The following TAF12 variants were observed in gnomAD, a reference collection of about 807,000 sequenced individuals.
TAF12 encodes TATA-box binding protein associated factor 12.
In TAF12, 3 loss-of-function variants were observed where a neutral mutation model predicts 20.8. The observed-to-expected ratio is 0.14, with a 90% CI of 0.07 to 0.37. TAF12 has a LOEUF of 0.37. TAF12 is among the 10% of genes least tolerant of loss of function. TAF12 has a pLI of 1.00. For synonymous variants in TAF12, 69 were observed against 70.2 expected (o/e 0.98, Z 0.09); for missense variants, 131 against 197.9 (o/e 0.66, Z 2.03).
chr1:28,610,113 G>A (rs1271354455), intron 4 of TAF12, among the ~76,000 whole-genome samples: 1 of 151,618 alleles, frequency 6.6e-6, no homozygotes, highest in Non-Finnish European at 1.5e-5. Context: ...GAGTAGCTAG[G>A]ATTACAGGTA....
At chr1:28,608,390 A>G (rs12077489) in intron 4 of TAF12, among the ~76,000 whole-genome samples, 8,297 of 151,930 alleles carry the variant, frequency 0.055, 268 homozygotes, top group African/African-American at 0.099. Context: ...GGTTGCAGAC[A>G]AAGGTTATTC....
At chr1:28,607,735 G>C (rs1178789279) in intron 4 of TAF12, among the ~76,000 whole-genome samples, 1 of 152,078 alleles carries the variant, frequency 6.6e-6, no homozygotes, top group Admixed American at 6.6e-5. Flanking sequence ...AACTACTTGG[G>C]AGTCTAAGGC....
At chr1:28,619,768 T>G (rs1004644559) in intron 2 of TAF12, among the ~76,000 whole-genome samples, 1 of 149,248 alleles carries the variant, frequency 6.7e-6, no homozygotes, top group African/African-American at 2.5e-5. Context: ...CTGACCAACA[T>G]GGCGAAACCC....
At chr1:28,636,310 C>A (rs138527824) in intron 1 of TAF12, among the ~76,000 whole-genome samples, 1 of 152,126 alleles carries the variant, frequency 6.6e-6, no homozygotes, top group African/African-American at 2.4e-5. Context: ...CCAGCCTGGG[C>A]AACACAAAAA....
At position 28,638,521 on chromosome 1, in the gene TAF12, C is replaced by T. The variant is rs369382464; in HGVS notation, c.-85+4471G>A. Among the ~76,000 whole-genome samples the T allele has an allele frequency of 3.6e-5, 5 of 140,132 alleles. No individual in the cohort carries two copies. In the East Asian group the frequency reaches 1.1e-3, roughly 30 times the overall value. The allele number at this position is 140,132 out of a possible 152,430, so 91.9% of individuals were successfully genotyped here. A position where few individuals can be genotyped will look rare whatever the true frequency, so the allele number is the denominator to read the frequency against. Reference sequence around the variant, plus strand: ...TTTTTTTTTTTTTGAGACAGAGTCTCACTCTGTCACCCAGGCTGGAGTGGC... The same window carrying T: ...TTTTTTTTTTTTTGAGACAGAGTCTTACTCTGTCACCCAGGCTGGAGTGGC... On this transcript the variant is annotated intron_variant, in intron 1 of 5. Coordinates refer to ENST00000373824, the MANE Select transcript of TAF12 (RefSeq NM_005644.4).
chr1:28,607,158 A>C (rs2124294893), intron 4 of TAF12, among the ~76,000 whole-genome samples: 1 of 152,382 alleles, frequency 6.6e-6, no homozygotes, highest in South Asian at 2.1e-4. Flanking sequence ...CACAGGCATA[A>C]GCCACAACAC....
Position 28,643,026 on chromosome 1 carries a change from G to C in TAF12, c.-119C>G, listed in dbSNP as rs549423625. ...CGTCTATCTCCCCATGATATGCAGA[G>C]ACTGCCCCAGTGAAGCGTTCGTCTC... is the stretch of plus-strand genomic sequence containing the variant. On this transcript the variant is annotated 5_prime_UTR_variant, in exon 1 of 6. Coordinates refer to ENST00000373824, the MANE Select transcript of TAF12 (RefSeq NM_005644.4). 3 of 985,904 alleles carry C rather than the reference G, an allele frequency of 3.0e-6. No individual in the cohort carries two copies. Among genetic ancestry groups the C allele is most frequent in the Non-Finnish European group, 2.4e-6 (2 of 829,964 alleles). The allele number at this position is 985,904 out of a possible 1,614,324, so 61.1% of individuals were successfully genotyped here.
At chr1:28,642,861 C>T in intron 1 of TAF12, 131 bp downstream of exon 1, 1 of 986,008 alleles carries the variant, frequency 1.0e-6, no homozygotes, top group Non-Finnish European at 1.2e-6. Flanking sequence ...TCAGTCCCTT[C>T]CCAAGAGCCT....
intron 1 of TAF12, among the ~76,000 whole-genome samples, chr1:28,629,317 G>T (rs1346244878): frequency 6.6e-6 from 1 of 152,006 alleles, no homozygotes; most frequent in East Asian, 1.9e-4. Context: ...TGCAGAAATA[G>T]ATCATACTCA....
intron 4 of TAF12, among the ~76,000 whole-genome samples, chr1:28,607,966 C>G (rs563684646): frequency 6.6e-6 from 1 of 151,752 alleles, no homozygotes. Flanking sequence ...GTGAAACCTC[C>G]TATCTACTAA....
intron 1 of TAF12, among the ~76,000 whole-genome samples, chr1:28,628,190 A>G (rs1001540550): frequency 3.8e-5 from 5 of 131,648 alleles, no homozygotes; most frequent in African/African-American, 1.4e-4. Flanking sequence ...CATCTCTACT[A>G]AAAAAATGCA....
intron 1 of TAF12, among the ~76,000 whole-genome samples, chr1:28,629,697 G>C (rs1437320807): frequency 6.6e-6 from 1 of 152,058 alleles, no homozygotes; most frequent in African/African-American, 2.4e-5. Context: ...CTGGAGTGCA[G>C]TGGTGAAATC....
chr1:28,618,153 A>G lies in TAF12; in HGVS notation c.169-123T>C, dbSNP rs958891721. 2.8e-5 allele frequency: 23 copies of G among 814,810 alleles called. No homozygotes were observed. In the Middle Eastern group the frequency reaches 9.7e-4, roughly 34 times the overall value. 50.5% of individuals were successfully genotyped at this position (814,810 alleles called of 1,614,324 possible). Reference sequence around the variant, plus strand: ...AGTTTCCACTTTCCAATGAGTTCACAGTCTGGCCTACCTGACTATGCTGCT... The same window carrying G: ...AGTTTCCACTTTCCAATGAGTTCACGGTCTGGCCTACCTGACTATGCTGCT... On this transcript the variant is annotated intron_variant, in intron 2 of 5. Transcript: ENST00000373824.
chr1:28,642,239 T>C (rs1668059327), intron 1 of TAF12, among the ~76,000 whole-genome samples: 1 of 152,168 alleles, frequency 6.6e-6, no homozygotes, highest in Non-Finnish European at 1.5e-5. Context: ...AAGAGCCAAG[T>C]AGGCAGTGCG....
intron 3 of TAF12, among the ~76,000 whole-genome samples, chr1:28,616,172 A>G (rs139832522): frequency 0.012 from 1,793 of 151,798 alleles, 33 homozygotes; most frequent in African/African-American, 0.041. Context: ...TGAGGTGGAC[A>G]GATCACTTGA....
At chr1:28,640,643 AG>A (rs1668000098) in intron 1 of TAF12, among the ~76,000 whole-genome samples, 1 of 152,352 alleles carries the variant, frequency 6.6e-6, no homozygotes, top group East Asian at 1.9e-4. Flanking sequence ...TTAATATTGA[AG>A]GAAGTGACTG....
At chr1:28,643,456 G>A (rs561042589), upstream of TAF12, 2 of 152,298 alleles carry the variant, frequency 1.3e-5, no homozygotes, top group East Asian at 1.9e-4. Context: ...TACCCCACAG[G>A]TATCCTGTTG....
chr1:28,646,636 T>G (rs1247816234), upstream of TAF12, among the ~76,000 whole-genome samples: 1 of 152,010 alleles, frequency 6.6e-6, no homozygotes, highest in Non-Finnish European at 1.5e-5. Context: ...GTTCAAGTGA[T>G]TCTCCTGCCT....
chr1:28,622,047 A>G lies in TAF12; in HGVS notation c.35T>C (p.Leu12Pro). ...CGGTTTTATGGATGAGAAATTGGAG[A>G]GGTTGATTAGGGCTGAGGGGCCAAA... is the stretch of plus-strand genomic sequence containing the variant. ...NQFGPSALIN[L>P]SNFSSIKPEP... The change falls in exon 2 of 6, where the codon CTC becomes CCC. Residue 12 changes from leucine to proline, a missense_variant. Coordinates refer to ENST00000373824, the MANE Select transcript of TAF12 (RefSeq NM_005644.4). The G allele has an allele frequency of 6.2e-7, 1 of 1,613,662 alleles. No individual in the cohort carries two copies. The highest frequency in any genetic ancestry group is 2.2e-5 in the East Asian group (1 of 44,858).
Sources: gnomAD v4.1 joint callset for allele counts (sites outside exome capture counted in the v4.1 genomes callset) on GRCh38, gnomAD v4.1.1 for gene constraint, MANE v1.5 for transcripts, NCBI Gene and HGNC (gene_info 2026-07-23, HGNC 2026-07-21) for gene names.